The following RPA1 variants were observed in gnomAD, a reference collection of about 807,000 sequenced individuals.
RPA1 encodes replication protein A 70 kDa DNA-binding subunit.
In RPA1, 49 loss-of-function variants were observed where a neutral mutation model predicts 83.0. The observed-to-expected ratio is 0.59, with a 90% CI of 0.47 to 0.75. The LOEUF (loss-of-function observed/expected upper bound fraction) is 0.75. RPA1 is among the 30% of genes least tolerant of loss of function. The pLI is 0.00. For missense variants in RPA1, 693 were observed against 776.1 expected (o/e 0.89, Z 1.27); for synonymous variants, 279 against 281.8 (o/e 0.99, Z 0.10).
At chr17:1,870,210 T>C (rs1432060389) in intron 5 of RPA1, among the ~76,000 whole-genome samples, 1 of 152,180 alleles carries the variant, frequency 6.6e-6, no homozygotes, top group East Asian at 1.9e-4. Flanking sequence ...TGCACTCTCC[T>C]GAATGCAGTA....
At chr17:1,847,343 A>G (rs1912300792) in intron 4 of RPA1, among the ~76,000 whole-genome samples, 1 of 152,202 alleles carries the variant, frequency 6.6e-6, no homozygotes, top group Non-Finnish European at 1.5e-5. Flanking sequence ...TCTGTCCTCC[A>G]GGGCATGGTT....
chr17:1,873,175 C>T (rs751350508), intron 6 of RPA1, among the ~76,000 whole-genome samples: 4 of 152,148 alleles, frequency 2.6e-5, no homozygotes, highest in East Asian at 1.9e-4. Context: ...CATCTCTCTC[C>T]GAGTTTCCTA....
intron 5 of RPA1, among the ~76,000 whole-genome samples, chr17:1,871,509 A>G (rs1913376345): frequency 6.6e-6 from 1 of 152,112 alleles, no homozygotes; most frequent in African/African-American, 2.4e-5. Flanking sequence ...AGGGCACTCT[A>G]GGAAAGTTTT....
intron 12 of RPA1, 66 bp from the exon 13 acceptor site, chr17:1,883,746 T>C: frequency 1.2e-5 from 19 of 1,603,490 alleles, no homozygotes; most frequent in Non-Finnish European, 1.6e-5. Context: ...AGCAGCAAGT[T>C]GCATGTGGAG....
chr17:1,853,876 C>T (rs1379545580), intron 5 of RPA1, among the ~76,000 whole-genome samples: 2 of 152,208 alleles, frequency 1.3e-5, no homozygotes, highest in South Asian at 4.1e-4. Context: ...ATAACACTCA[C>T]TGCACTGGTA....
chr17:1,831,840 T>C (rs1272763600), intron 1 of RPA1, among the ~76,000 whole-genome samples: 22 of 151,156 alleles, frequency 1.5e-4, no homozygotes, highest in African/African-American at 2.7e-4. Flanking sequence ...ACCTTGTGAT[T>C]CGCCCGCCTC....
rs1597442716 is a variant in RPA1, at chr17:1,867,604, G to A, written c.362-4830G>A. Among the ~76,000 whole-genome samples, 4 of 152,002 alleles carry A rather than the reference G, an allele frequency of 2.6e-5. No homozygotes were observed. In the East Asian group the frequency reaches 5.8e-4, roughly 22 times the overall value. On this transcript the variant is annotated intron_variant, in intron 5 of 16. Transcript: ENST00000254719. ...CACACTCCTCTAGTCCTGGCTACTC[G>A]GGAAGTCGAGGTGGGAGGATCACTT...
intron 13 of RPA1, among the ~76,000 whole-genome samples, chr17:1,887,923 A>G (rs17339053): frequency 1.6e-3 from 240 of 152,274 alleles, no homozygotes; most frequent in Middle Eastern, 6.8e-3. Flanking sequence ...AAAAGTTTGA[A>G]ATCTTGCAAG....
intron 5 of RPA1, among the ~76,000 whole-genome samples, chr17:1,860,736 AT>A (rs1244832208): frequency 6.6e-6 from 1 of 152,084 alleles, no homozygotes. Flanking sequence ...CCGATCATGG[AT>A]CATATTTTCC....
At chr17:1,860,815 A>G (rs1481884484) in intron 5 of RPA1, among the ~76,000 whole-genome samples, 3 of 152,176 alleles carry the variant, frequency 2.0e-5, no homozygotes, top group Non-Finnish European at 2.9e-5. Flanking sequence ...GTTGGGTGCT[A>G]GAAACTTTTG....
intron 5 of RPA1, among the ~76,000 whole-genome samples, chr17:1,857,049 G>C (rs1912725962): frequency 6.6e-6 from 1 of 151,880 alleles, no homozygotes; most frequent in East Asian, 1.9e-4. Flanking sequence ...TCATTGACTT[G>C]AGATCTTTTT....
In RPA1 at chr17:1,891,400, C is replaced by T. The variant is rs538352562; in HGVS notation, c.1552-433C>T. Among the ~76,000 whole-genome samples, 4 of 151,818 alleles carry T rather than the reference C, an allele frequency of 2.6e-5. No individual in the cohort carries two copies. The East Asian group carries it at 7.8e-4, about 29-fold the overall frequency. ...AGAACTCCCCCGATTCACTCAAAAC[C>T]CTTCATCCAAAGCCAGCTGCACCTC... On this transcript the variant is annotated intron_variant, in intron 14 of 16. Transcript: ENST00000254719.
At position 1,888,702 on chromosome 17, in the gene RPA1, G is replaced by T. The variant is rs1187227083; in HGVS notation, c.1402G>T (p.Val468Leu). 1 of 1,614,004 alleles carries T rather than the reference G, an allele frequency of 6.2e-7. No homozygotes were observed. ...GGACTACTTTAGTTCTGTGGCCACA[G>T]TGGTGTATCTTCGCAAAGAGAACTG... ...KPDYFSSVAT[V>L]VYLRKENCMY... Residue 468 changes from valine to leucine, a missense_variant, in exon 14 of 17, where the codon GTG becomes TTG. By Grantham distance (32) the Val-to-Leu change is conservative. Coordinates refer to ENST00000254719, the MANE Select transcript of RPA1 (RefSeq NM_002945.5).
In RPA1 at chr17:1,897,113, G is replaced by A. The variant is rs374059430; in HGVS notation, c.1789G>A (p.Val597Met). ...IKATVMDVKP[V>M]DYREYGRRLV... The stretch of plus-strand genomic sequence containing the variant: ...GGCCACTGTGATGGACGTGAAGCCC[G>A]TGGACTACAGAGAGTATGGCCGAAG... Residue 597 changes from valine (V) to methionine (M), a missense_variant, in exon 17 of 17, where the codon GTG (valine) becomes ATG (methionine). Coordinates refer to ENST00000254719, the MANE Select transcript of RPA1 (RefSeq NM_002945.5). 1.4e-5 allele frequency: 22 copies of A among 1,572,836 alleles called. No homozygotes were observed. In the Middle Eastern group the frequency reaches 8.3e-4, roughly 59 times the overall value.
At chr17:1,848,863 C>T (rs1012565807) in intron 4 of RPA1, among the ~76,000 whole-genome samples, 1 of 151,902 alleles carries the variant, frequency 6.6e-6, no homozygotes, top group Non-Finnish European at 1.5e-5. Flanking sequence ...CGCACCCAGC[C>T]TGTTCCTTTT....
In RPA1 at chr17:1,844,624, A is replaced by G. The variant is rs143982803; in HGVS notation, c.210A>G (p.Gln70=). The G allele has an allele frequency of 2.5e-6, 4 of 1,613,732 alleles. No individual in the cohort carries two copies. The highest frequency in any genetic ancestry group is 3.4e-6 in the Non-Finnish European group (4 of 1,179,930). The stretch of plus-strand genomic sequence containing the variant: ...TGAACCCTCTCGTGGAGGAAGAACA[A>G]TTGTCCAGCAACTGTGTATGCCAGA... The part of the protein sequence containing the change: ...TQLNPLVEEE[Q]LSSNCVCQIH... Residue 70 remains glutamine (Q), a synonymous_variant, in exon 4 of 17, where the codon CAA becomes CAG. Transcript: ENST00000254719.
At chr17:1,894,358 G>T (rs1334518488) in intron 15 of RPA1, among the ~76,000 whole-genome samples, 1 of 151,996 alleles carries the variant, frequency 6.6e-6, no homozygotes, top group Non-Finnish European at 1.5e-5. Context: ...GTAGAGATGG[G>T]GTTTCACCGT....
At chr17:1,862,093 T>G (rs1040858010) in intron 5 of RPA1, among the ~76,000 whole-genome samples, 3 of 151,460 alleles carry the variant, frequency 2.0e-5, no homozygotes, top group Non-Finnish European at 2.9e-5. Flanking sequence ...GGGGTTTCAC[T>G]GTGTTAGCCA....
intron 4 of RPA1, among the ~76,000 whole-genome samples, chr17:1,846,311 C>CTTTTTTTT (rs71150823): frequency 2.1e-4 from 16 of 75,800 alleles, no homozygotes; most frequent in East Asian, 8.8e-4. Flanking sequence ...GGAAGCTTTG[C>CTTTTTTTT]TTTTTTTTTT....
Sources: gnomAD v4.1 joint callset for allele counts (sites outside exome capture counted in the v4.1 genomes callset) on GRCh38, gnomAD v4.1.1 for gene constraint, MANE v1.5 for transcripts, NCBI Gene and HGNC (gene_info 2026-07-23, HGNC 2026-07-21) for gene names.